HAO1: variants seen among roughly 807,000 people sequenced by gnomAD.
The protein encoded by HAO1 is hydroxyacid oxidase 1, also known as 2-Hydroxyacid oxidase 1.
Under a neutral mutation model 39.7 loss-of-function variants are expected in HAO1, and 34 were observed. That is an observed-to-expected ratio of 0.86 (90% CI 0.65 to 1.14). The LOEUF is 1.14. Ranked by LOEUF, HAO1 falls within the 50% of genes most tolerant of loss-of-function variation. The probability of loss-of-function intolerance (pLI) is 0.00; values close to 1 mark genes in which losing one functional copy is unlikely to be tolerated. For synonymous variants in HAO1, 172 were observed against 173.2 expected (o/e 0.99, Z 0.05); for missense variants, 479 against 464.5 (o/e 1.03, Z -0.29).
intron 2 of HAO1, among the ~76,000 whole-genome samples, chr20:7,923,834 T>A (rs1163952731): frequency 6.6e-6 from 1 of 152,144 alleles, no homozygotes; most frequent in Admixed American, 6.6e-5. Flanking sequence ...AGGACCATAC[T>A]TTGAGAACCA....
intron 2 of HAO1, among the ~76,000 whole-genome samples, chr20:7,916,656 T>A (rs2050308296): frequency 6.6e-6 from 1 of 152,218 alleles, no homozygotes; most frequent in Non-Finnish European, 1.5e-5. Flanking sequence ...AGCCATTAGA[T>A]AGTAAAGGTC....
chr20:7,909,389 A>ATATG (rs1568514585), intron 3 of HAO1, among the ~76,000 whole-genome samples: 39 of 140,980 alleles, frequency 2.8e-4, no homozygotes, highest in African/African-American at 8.5e-4. Context: ...GTATATATAT[A>ATATG]TATATATATA....
At chr20:7,887,100 T>C (rs1384486407) in intron 5 of HAO1, among the ~76,000 whole-genome samples, 1 of 152,174 alleles carries the variant, frequency 6.6e-6, no homozygotes, top group Non-Finnish European at 1.5e-5. Context: ...TCACTGAGTT[T>C]GGGATTGTTC....
intron 3 of HAO1, among the ~76,000 whole-genome samples, chr20:7,913,209 TA>T (rs1485338982): frequency 6.7e-6 from 1 of 149,024 alleles, no homozygotes; most frequent in Non-Finnish European, 1.5e-5. Context: ...AAACATAGAG[TA>T]AGCAAGGGCC....
chr20:7,886,869 T>G (rs970379232), intron 5 of HAO1, among the ~76,000 whole-genome samples: 4 of 152,142 alleles, frequency 2.6e-5, no homozygotes, highest in African/African-American at 9.7e-5. Flanking sequence ...TCCCACTTAC[T>G]TTTTTGCACC....
chr20:7,884,638 T>A (rs774468656), intron 7 of HAO1, among the ~76,000 whole-genome samples: 3 of 152,080 alleles, frequency 2.0e-5, no homozygotes, highest in Non-Finnish European at 2.9e-5. Context: ...TCTCACATAG[T>A]CAAGGGACAT....
chr20:7,935,013 T>TC (rs2050403755), intron 1 of HAO1, among the ~76,000 whole-genome samples: 1 of 152,208 alleles, frequency 6.6e-6, no homozygotes, highest in Admixed American at 6.5e-5. Context: ...AGAGAAACTC[T>TC]CCCCAGTTCA....
At chr20:7,910,446 C>A (rs2050273785) in intron 3 of HAO1, among the ~76,000 whole-genome samples, 2 of 152,150 alleles carry the variant, frequency 1.3e-5, no homozygotes, top group Non-Finnish European at 2.9e-5. Context: ...TAAAATAAGT[C>A]TCACTGGACT....
chr20:7,940,032 ATTG>A (rs2050433473), intron 1 of HAO1, among the ~76,000 whole-genome samples: 1 of 152,226 alleles, frequency 6.6e-6, no homozygotes, highest in Non-Finnish European at 1.5e-5. Context: ...AGTTAAATTA[ATTG>A]TTGTCATATT....
chr20:7,914,352 C>T lies in HAO1; in HGVS notation c.357G>A (p.Ala119=), dbSNP rs373499154. The change falls in exon 3 of 8, where the codon GCG becomes GCA. Residue 119 remains alanine, a synonymous_variant. Coordinates refer to ENST00000378789, the MANE Select transcript of HAO1 (RefSeq NM_017545.3). ...AACGAAGTGCCTCAGGACCAGCTTCCGCCACTTCTTCAATTGAGGAGGTGG... is the reference window on the plus strand; with the variant it reads ...AACGAAGTGCCTCAGGACCAGCTTCTGCCACTTCTTCAATTGAGGAGGTGG... ...SWATSSIEEV[A]EAGPEALRWL... is the part of the protein sequence containing the mutation. The T allele has an allele frequency of 6.8e-5, 110 of 1,613,800 alleles. No homozygotes were observed. The highest frequency in any genetic ancestry group is 1.8e-4 in the South Asian group (16 of 91,084).
Position 7,885,713 on chromosome 20 carries a change from G to A in HAO1, c.965C>T (p.Ala322Val). The A allele has an allele frequency of 6.2e-7, 1 of 1,612,108 alleles. No homozygotes were observed. The change falls in exon 6 of 8, where the codon GCT (alanine) becomes GTT (valine). Residue 322 changes from alanine to valine, a missense_variant. Coordinates refer to ENST00000378789, the MANE Select transcript of HAO1 (RefSeq NM_017545.3). ...FVGRPIVWGL[A>V]FQGEKGVQDV... ...ATTTCTTTGTCCAGTTACCTGGAAAGCTAAGCCCCAAACGATTGGTCTCCC... is the reference window on the plus strand; with the variant it reads ...ATTTCTTTGTCCAGTTACCTGGAAAACTAAGCCCCAAACGATTGGTCTCCC...
chr20:7,931,787 T>G (rs1346959853), intron 2 of HAO1, among the ~76,000 whole-genome samples: 1 of 152,046 alleles, frequency 6.6e-6, no homozygotes, highest in East Asian at 1.9e-4. Flanking sequence ...TCAGCCCAAC[T>G]CCACCAAGAA....
chr20:7,932,122 A>T (rs1302154112), intron 2 of HAO1, among the ~76,000 whole-genome samples: 1 of 151,982 alleles, frequency 6.6e-6, no homozygotes, highest in Non-Finnish European at 1.5e-5. Flanking sequence ...AGTATCTGGC[A>T]TTTCCCTGCT....
At chr20:7,939,049 T>C (rs2050427378) in intron 1 of HAO1, among the ~76,000 whole-genome samples, 1 of 152,138 alleles carries the variant, frequency 6.6e-6, no homozygotes, top group Admixed American at 6.5e-5. Flanking sequence ...ATAGGCAAAT[T>C]TTGGTGGACA....
intron 2 of HAO1, among the ~76,000 whole-genome samples, chr20:7,925,039 T>C (rs527254245): frequency 2.7e-4 from 41 of 152,274 alleles, no homozygotes; most frequent in South Asian, 1.2e-3. Context: ...TGTCATCCTA[T>C]CTTCACAGGG....
At chr20:7,921,699 C>G (rs907370511) in intron 2 of HAO1, among the ~76,000 whole-genome samples, 18 of 152,144 alleles carry the variant, frequency 1.2e-4, no homozygotes, top group Non-Finnish European at 8.8e-5. Flanking sequence ...GACATGGAAT[C>G]AATCCAGGTG....
chr20:7,884,721 C>A (rs577356463), intron 7 of HAO1, among the ~76,000 whole-genome samples: 1 of 152,054 alleles, frequency 6.6e-6, no homozygotes, highest in Admixed American at 6.5e-5. Flanking sequence ...AGAAAGATGA[C>A]GGGAGTCAAA....
intron 1 of HAO1, among the ~76,000 whole-genome samples, chr20:7,938,797 G>T (rs1428521939): frequency 6.6e-6 from 1 of 152,074 alleles, no homozygotes; most frequent in Non-Finnish European, 1.5e-5. Flanking sequence ...TCACTGCTTT[G>T]TCCTCAGCAT....
intron 2 of HAO1, among the ~76,000 whole-genome samples, chr20:7,920,118 T>G (rs1329048575): frequency 6.6e-6 from 1 of 151,592 alleles, no homozygotes; most frequent in Non-Finnish European, 1.5e-5. Flanking sequence ...GGGAAAGAGG[T>G]GATTGGATCA....
Sources: allele counts gnomAD v4.1 joint callset (sites outside exome capture counted in the v4.1 genomes callset), GRCh38; gene constraint gnomAD v4.1.1; transcripts MANE v1.5; gene names NCBI Gene and HGNC (gene_info 2026-07-23, HGNC 2026-07-21).